Variants in HYCC1 observed in about 807,000 individuals in gnomAD.
HYCC1 encodes the protein hyccin.
At chr7:22,932,534 C>G in the HYCC1 span, among the ~76,000 whole-genome samples, 6 of 152,178 alleles carry the variant, frequency 3.9e-5, no homozygotes, top group South Asian at 1.2e-3. Context: ...AAGCAGATAC[C>G]TTATTTTCTG....
the HYCC1 span, among the ~76,000 whole-genome samples, chr7:22,993,179 C>T: frequency 6.6e-6 from 1 of 152,026 alleles, no homozygotes; most frequent in Non-Finnish European, 1.5e-5. Flanking sequence ...ATTTGGATAG[C>T]TACATGGGGA....
At chr7:22,928,494 G>C in the HYCC1 span, among the ~76,000 whole-genome samples, 1 of 152,128 alleles carries the variant, frequency 6.6e-6, no homozygotes, top group African/African-American at 2.4e-5. Context: ...AAAGTCTCAG[G>C]ATACAAAATC....
At chr7:22,910,160 T>G in the HYCC1 span, among the ~76,000 whole-genome samples, 114 of 152,338 alleles carry the variant, frequency 7.5e-4, no homozygotes, top group Non-Finnish European at 1.2e-4. Context: ...CCAAATCTCA[T>G]GTTGAAATGT....
At chr7:22,998,566 A>G in the HYCC1 span, among the ~76,000 whole-genome samples, 1,766 of 152,318 alleles carry the variant, frequency 0.012, 33 homozygotes, top group African/African-American at 0.039. Flanking sequence ...TACTATAAGC[A>G]TAAGTAACAT....
At chr7:22,920,209 T>C in the HYCC1 span, among the ~76,000 whole-genome samples, 2 of 152,238 alleles carry the variant, frequency 1.3e-5, no homozygotes, top group Middle Eastern at 6.8e-3. Flanking sequence ...TAGGTAGGCA[T>C]GGTGGCATAT....
the HYCC1 span, among the ~76,000 whole-genome samples, chr7:22,981,406 G>A: frequency 1.5e-4 from 23 of 152,158 alleles, no homozygotes; most frequent in African/African-American, 2.9e-4. Context: ...ATATCAACTT[G>A]TTAGGAATAT....
chr7:22,982,054 A>G, the HYCC1 span, among the ~76,000 whole-genome samples: 2 of 152,232 alleles, frequency 1.3e-5, no homozygotes, highest in Admixed American at 6.5e-5. Flanking sequence ...ACTTCATGAC[A>G]GAATAATTTT....
chr7:22,947,160 G>A, the HYCC1 span: 234 of 1,550,172 alleles, frequency 1.5e-4, no homozygotes, highest in East Asian at 5.0e-3. Flanking sequence ...CCCATTCCCG[G>A]TTCTCTCTCC....
At chr7:22,977,551 T>C in the HYCC1 span, 2 of 588,074 alleles carry the variant, frequency 3.4e-6, no homozygotes, top group Non-Finnish European at 5.9e-6. Context: ...GTTAAAACCT[T>C]AAACCATGAT....
chr7:22,983,724 C>A, the HYCC1 span: 1 of 517,566 alleles, frequency 1.9e-6, no homozygotes, highest in South Asian at 2.3e-5. Context: ...TCAAAGCTAC[C>A]TCTAGCGAGA....
the HYCC1 span, among the ~76,000 whole-genome samples, chr7:22,962,188 C>T: frequency 6.6e-6 from 1 of 152,196 alleles, no homozygotes; most frequent in African/African-American, 2.4e-5. Flanking sequence ...GAGAGATGGG[C>T]CACAATACAA....
chr7:22,970,684 T>A, the HYCC1 span, among the ~76,000 whole-genome samples: 1 of 152,224 alleles, frequency 6.6e-6, no homozygotes, highest in Non-Finnish European at 1.5e-5. Flanking sequence ...GGCATCTCTT[T>A]TCTCTACTCC....
At chr7:22,931,548 A>G in the HYCC1 span, among the ~76,000 whole-genome samples, 5 of 152,162 alleles carry the variant, frequency 3.3e-5, no homozygotes, top group African/African-American at 1.2e-4. Context: ...GAGATACATG[A>G]TAGAAAACCT....
chr7:22,898,211 TTTTA>T, the HYCC1 span, among the ~76,000 whole-genome samples: 24 of 151,248 alleles, frequency 1.6e-4, no homozygotes, highest in Admixed American at 7.9e-4. Context: ...TAATTTTTGC[TTTTA>T]TTTATTTATT....
the HYCC1 span, among the ~76,000 whole-genome samples, chr7:22,907,973 C>A: frequency 6.6e-6 from 1 of 152,126 alleles, no homozygotes; most frequent in Non-Finnish European, 1.5e-5. Flanking sequence ...CCCCACTCTC[C>A]CATTTGCTGA....
chr7:22,908,162 T>C, the HYCC1 span, among the ~76,000 whole-genome samples: 261 of 152,274 alleles, frequency 1.7e-3, no homozygotes, highest in African/African-American at 6.0e-3. Flanking sequence ...GCTTAAGTGA[T>C]GAAAAATAGG....
At chr7:22,989,336 A>C in the HYCC1 span, among the ~76,000 whole-genome samples, 1 of 150,726 alleles carries the variant, frequency 6.6e-6, no homozygotes, top group African/African-American at 2.4e-5. Context: ...GATTTAATCA[A>C]AGTTTTTTGT....
chr7:22,985,897 T>C, the HYCC1 span, among the ~76,000 whole-genome samples: 469 of 149,942 alleles, frequency 3.1e-3, 2 homozygotes, highest in Middle Eastern at 7.1e-3. Context: ...TATGTATACA[T>C]AGTTACATGT....
chr7:22,992,506 A>T, the HYCC1 span, among the ~76,000 whole-genome samples: 1 of 152,142 alleles, frequency 6.6e-6, no homozygotes, highest in Non-Finnish European at 1.5e-5. Flanking sequence ...TATCCTCCTT[A>T]AAAGCCAACA....
Sources: gnomAD v4.1 joint callset for allele counts (sites outside exome capture counted in the v4.1 genomes callset) on GRCh38, gnomAD v4.1.1 for gene constraint, MANE v1.5 for transcripts, NCBI Gene and HGNC (gene_info 2026-07-23, HGNC 2026-07-21) for gene names.